EEFSEC: variants seen among roughly 807,000 people sequenced by gnomAD.
EEFSEC encodes the protein eukaryotic elongation factor, selenocysteine-tRNA specific, also known as selenocysteine-specific elongation factor.
EEFSEC carries 43 observed loss-of-function variants against 42.1 expected under a neutral mutation model. The observed-to-expected ratio is 1.02, with a 90% CI of 0.80 to 1.32. The LOEUF is 1.32. EEFSEC is among the 40% of genes most tolerant of loss of function. The pLI is 0.00. For synonymous variants in EEFSEC, 354 were observed against 339.1 expected (o/e 1.04, Z -0.48); for missense variants, 745 against 803.6 (o/e 0.93, Z 0.88).
chr3:128,199,674 T>A (rs532233124), intron 1 of EEFSEC, among the ~76,000 whole-genome samples: 2 of 152,352 alleles, frequency 1.3e-5, no homozygotes, highest in South Asian at 4.1e-4. Context: ...AGTTGCATTT[T>A]AAAAAGTATT....
intron 1 of EEFSEC, among the ~76,000 whole-genome samples, chr3:128,198,109 T>C (rs1322228178): frequency 1.3e-5 from 2 of 152,192 alleles, no homozygotes; most frequent in African/African-American, 4.8e-5. Flanking sequence ...CTACAGATGG[T>C]TGTAGCCCTG....
At chr3:128,270,135 A>G (rs2066398847) in intron 4 of EEFSEC, among the ~76,000 whole-genome samples, 1 of 152,204 alleles carries the variant, frequency 6.6e-6, no homozygotes, top group South Asian at 2.1e-4. Context: ...TGTGGTGTGG[A>G]CTAGGGATAA....
At chr3:128,328,157 TTGCCCACAG>T (rs2067086059) in intron 4 of EEFSEC, among the ~76,000 whole-genome samples, 1 of 152,226 alleles carries the variant, frequency 6.6e-6, no homozygotes, top group Non-Finnish European at 1.5e-5. Flanking sequence ...GTTACAGAAC[TTGCCCACAG>T]CTCAGAGCTG....
intron 4 of EEFSEC, among the ~76,000 whole-genome samples, chr3:128,291,932 G>T (rs762593438): frequency 6.6e-6 from 1 of 152,108 alleles, no homozygotes; most frequent in Non-Finnish European, 1.5e-5. Flanking sequence ...TGTGCATATC[G>T]TTTATCAGAT....
At chr3:128,297,934 T>G (rs2066725976) in intron 4 of EEFSEC, among the ~76,000 whole-genome samples, 1 of 152,178 alleles carries the variant, frequency 6.6e-6, no homozygotes, top group Non-Finnish European at 1.5e-5. Context: ...GGGCACACAT[T>G]GCTGCAGTCC....
chr3:128,216,931 A>G (rs1168967153), intron 1 of EEFSEC, among the ~76,000 whole-genome samples: 2 of 151,622 alleles, frequency 1.3e-5, no homozygotes, highest in Admixed American at 6.6e-5. Context: ...GACCTCATAG[A>G]TGGAGACTCT....
intron 5 of EEFSEC, among the ~76,000 whole-genome samples, chr3:128,357,801 AGGGGTGGGGG>A (rs1005582924): frequency 1.5e-4 from 22 of 143,186 alleles, no homozygotes; most frequent in African/African-American, 5.8e-4. Flanking sequence ...GTGGCCCCCC[AGGGGTGGGGG>A]GGGCCTGCAA....
At chr3:128,212,671 TC>T (rs1269119312) in intron 1 of EEFSEC, among the ~76,000 whole-genome samples, 1 of 152,202 alleles carries the variant, frequency 6.6e-6, no homozygotes, top group Non-Finnish European at 1.5e-5. Flanking sequence ...GGCCTTCTGT[TC>T]AATGTTTTTA....
chr3:128,409,361 C>CGTGTGTGT (rs60523218), downstream of EEFSEC, among the ~76,000 whole-genome samples: 3 of 149,770 alleles, frequency 2.0e-5, no homozygotes, highest in African/African-American at 4.9e-5. Flanking sequence ...GCCCCAGAGC[C>CGTGTGTGT]GTGTGTGTGT....
chr3:128,208,420 T>C (rs532233125), intron 1 of EEFSEC, among the ~76,000 whole-genome samples: 1 of 152,324 alleles, frequency 6.6e-6, no homozygotes, highest in South Asian at 2.1e-4. Context: ...TTTATGGGGC[T>C]CATAGTCTAG....
chr3:128,341,206 T>C (rs778205660), intron 4 of EEFSEC, 27 bp from the exon 5 acceptor site: 24 of 1,570,800 alleles, frequency 1.5e-5, no homozygotes, highest in Non-Finnish European at 2.1e-5. Flanking sequence ...GTTGGTTTCA[T>C]GTGCTCTCTT....
intron 1 of EEFSEC, among the ~76,000 whole-genome samples, chr3:128,177,973 A>G (rs1576521283): frequency 6.6e-6 from 1 of 152,214 alleles, no homozygotes; most frequent in African/African-American, 2.4e-5. Context: ...CTGGTTCTCA[A>G]AAAAATGCTT....
At chr3:128,262,265 G>T (rs758000287) in intron 3 of EEFSEC, 41 bp downstream of exon 3, 1 of 1,565,106 alleles carries the variant, frequency 6.4e-7, no homozygotes, top group South Asian at 1.1e-5. Context: ...TAGCCCCAGC[G>T]CTGCTCAGGC....
intron 2 of EEFSEC, among the ~76,000 whole-genome samples, chr3:128,252,867 A>G (rs768966761): frequency 5.9e-5 from 9 of 152,358 alleles, no homozygotes; most frequent in Non-Finnish European, 8.8e-5. Flanking sequence ...TGGCAGGGAC[A>G]GCAGTCCTTG....
chr3:128,238,678 G>A (rs144650272), intron 1 of EEFSEC, among the ~76,000 whole-genome samples: 1,710 of 152,256 alleles, frequency 0.011, 24 homozygotes, highest in African/African-American at 0.039. Context: ...TAGTAGAGAC[G>A]GGGTTTCATC....
At chr3:128,198,650 T>C (rs764034351) in intron 1 of EEFSEC, among the ~76,000 whole-genome samples, 84 of 152,172 alleles carry the variant, frequency 5.5e-4, no homozygotes, top group Non-Finnish European at 1.0e-3. Flanking sequence ...GACATTCCTT[T>C]CTGAAGAAGG....
chr3:128,398,478 A>C (rs2068009703), intron 6 of EEFSEC, among the ~76,000 whole-genome samples: 1 of 152,114 alleles, frequency 6.6e-6, no homozygotes, highest in African/African-American at 2.4e-5. Context: ...GGGACTGAAG[A>C]GGTCTTCAGT....
chr3:128,383,687 C>G (rs1485245028), intron 6 of EEFSEC, among the ~76,000 whole-genome samples: 1 of 152,252 alleles, frequency 6.6e-6, no homozygotes, highest in Non-Finnish European at 1.5e-5. Flanking sequence ...GCAGGCACCA[C>G]CCCCTTCCTG....
chr3:128,237,873 G>A (rs1445737184), intron 1 of EEFSEC, among the ~76,000 whole-genome samples: 1 of 152,146 alleles, frequency 6.6e-6, no homozygotes, highest in Admixed American at 6.5e-5. Flanking sequence ...CTGTGCCTCA[G>A]GTTGTGCACT....
Sources: gnomAD v4.1 joint callset for allele counts (sites outside exome capture counted in the v4.1 genomes callset) on GRCh38, gnomAD v4.1.1 for gene constraint, MANE v1.5 for transcripts, NCBI Gene and HGNC (gene_info 2026-07-23, HGNC 2026-07-21) for gene names.